Variants in RMC1 observed in about 807,000 individuals in gnomAD.
The protein encoded by RMC1 is regulator of MON1-CCZ1 complex.
In RMC1, 44 loss-of-function variants were observed where a neutral mutation model predicts 95.5. The observed-to-expected ratio is 0.46, with a 90% CI of 0.36 to 0.59. The LOEUF is 0.59. RMC1 is among the 20% of genes least tolerant of loss of function. RMC1 has a pLI of 0.00. For missense variants in RMC1, 705 were observed against 819.6 expected (o/e 0.86, Z 1.71); for synonymous variants, 320 against 303.6 (o/e 1.05, Z -0.56).
At chr18:23,514,335 C>T (rs1481511500) in intron 5 of RMC1, among the ~76,000 whole-genome samples, 4 of 152,084 alleles carry the variant, frequency 2.6e-5, no homozygotes, top group South Asian at 4.1e-4. Context: ...GCCGCCATGG[C>T]GAAACCCCGT....
intron 12 of RMC1, among the ~76,000 whole-genome samples, chr18:23,525,992 C>A (rs865839872): frequency 6.6e-6 from 1 of 152,208 alleles, no homozygotes; most frequent in Non-Finnish European, 1.5e-5. Context: ...AGTCATTTCT[C>A]TCCTGTGCAT....
chr18:23,503,522 C>G lies in RMC1; in HGVS notation c.-97C>G. 1 of 787,122 alleles carries G rather than the reference C, an allele frequency of 1.3e-6. No homozygotes were observed. Among genetic ancestry groups the G allele is most frequent in the Non-Finnish European group, 1.7e-6 (1 of 571,440 alleles). 48.8% of individuals were successfully genotyped at this position (787,122 alleles called of 1,614,324 possible). A position where few individuals can be genotyped will look rare whatever the true frequency, so the allele number is the denominator to read the frequency against. On this transcript the variant is annotated 5_prime_UTR_variant, in exon 1 of 20. Transcript: ENST00000269221. ...TCCGCGCCGGGCCCAGAGCCGCAGCCGCAGCCGCCGCTACAGTCCGGGCCG... is the reference window on the plus strand; with the variant it reads ...TCCGCGCCGGGCCCAGAGCCGCAGCGGCAGCCGCCGCTACAGTCCGGGCCG...
intron 10 of RMC1, among the ~76,000 whole-genome samples, chr18:23,523,776 G>A (rs1013417462): frequency 2.6e-5 from 4 of 152,044 alleles, no homozygotes; most frequent in Non-Finnish European, 5.9e-5. Context: ...AACATTCTCC[G>A]TGGATGATCT....
At chr18:23,524,349 G>A (rs1336043928) in intron 11 of RMC1, 80 bp from the exon 12 acceptor site, 14 of 1,535,020 alleles carry the variant, frequency 9.1e-6, no homozygotes, top group Non-Finnish European at 9.9e-6. Flanking sequence ...TACATGGTGG[G>A]CAGGGGCGAG....
At chr18:23,531,556 TA>T (rs958259887) in intron 19 of RMC1, 68 bp from the exon 20 acceptor site, 5 of 1,584,654 alleles carry the variant, frequency 3.2e-6, no homozygotes, top group Non-Finnish European at 4.3e-6. Context: ...TAGACACACC[TA>T]CGAGATGCTT....
At chr18:23,521,456 G>A (rs889473561) in intron 10 of RMC1, among the ~76,000 whole-genome samples, 2 of 152,194 alleles carry the variant, frequency 1.3e-5, no homozygotes, top group Non-Finnish European at 2.9e-5. Flanking sequence ...GTGTGACAGT[G>A]ATGATGAATA....
intron 10 of RMC1, chr18:23,522,939 A>G (rs1481992031): frequency 6.6e-6 from 1 of 152,266 alleles, no homozygotes; most frequent in Admixed American, 6.6e-5. Flanking sequence ...CACTTTTGGG[A>G]AGAGTCAGCC....
At chr18:23,516,960 A>G (rs181157685) in intron 7 of RMC1, among the ~76,000 whole-genome samples, 2 of 150,974 alleles carry the variant, frequency 1.3e-5, no homozygotes, top group African/African-American at 4.9e-5. Context: ...TCCTGACCTC[A>G]AGTGATCCAC....
chr18:23,526,231 G>A (rs971013540), intron 12 of RMC1, among the ~76,000 whole-genome samples: 1 of 152,210 alleles, frequency 6.6e-6, no homozygotes, highest in Non-Finnish European at 1.5e-5. Flanking sequence ...AAACTAATGA[G>A]CTGTTGTAGG....
At chr18:23,529,342 A>G in intron 15 of RMC1, 44 bp downstream of exon 15, 1 of 1,578,350 alleles carries the variant, frequency 6.3e-7, no homozygotes, top group South Asian at 1.2e-5. Flanking sequence ...GAATGCTCAA[A>G]ACAAGGAAGT....
intron 14 of RMC1, chr18:23,528,872 G>A (rs993362481): frequency 2.1e-5 from 5 of 242,810 alleles, no homozygotes; most frequent in Admixed American, 5.3e-5. Context: ...TAATCTGCAC[G>A]GATCTGAACT....
At chr18:23,525,420 TATA>T (rs527599580) in intron 12 of RMC1, among the ~76,000 whole-genome samples, 21 of 151,766 alleles carry the variant, frequency 1.4e-4, no homozygotes, top group African/African-American at 2.4e-4. Context: ...GTTAATTTAT[TATA>T]ATAATAATAA....
rs374224848 is a variant in RMC1, at chr18:23,523,543, CA to C, written c.962-561del. 5.5e-4 allele frequency among the ~76,000 whole-genome samples: 42 copies of C among 76,376 alleles called. No individual in the cohort carries two copies. The South Asian group carries it at 6.0e-3, about 11-fold the overall frequency. 50.1% of individuals were successfully genotyped at this position (76,376 alleles called of 152,430 possible). On this transcript the variant is annotated intron_variant, in intron 10 of 19. Transcript: ENST00000269221. ...CTAGGTAACATAGACCTTGTCTTCACAAAAAAAAAAAAAAAAAAAAAAAAAA... is the reference window on the plus strand; with the variant it reads ...CTAGGTAACATAGACCTTGTCTTCACAAAAAAAAAAAAAAAAAAAAAAAAA...
chr18:23,530,083 T>C lies in RMC1; in HGVS notation c.1550T>C (p.Met517Thr), dbSNP rs1327082645. The change falls in exon 17 of 20, where the codon ATG (methionine) becomes ACG (threonine). Residue 517 changes from methionine (M) to threonine (T), a missense_variant. Coordinates refer to ENST00000269221, the MANE Select transcript of RMC1 (RefSeq NM_013326.5). The stretch of plus-strand genomic sequence containing the variant: ...CTTGTCCAGCACAACCTCTTTTATA[T>C]GCTGCATCAGTTCCTGCAGTACCAC... Reference protein sequence around the residue: ...KTLVQHNLFYMLHQFLQYHVL... With the variant: ...KTLVQHNLFYTLHQFLQYHVL... 2 of 1,614,266 alleles carry C rather than the reference T, an allele frequency of 1.2e-6. No homozygotes were observed. The highest frequency in any genetic ancestry group is 2.2e-5 in the East Asian group (1 of 44,882).
chr18:23,504,291 A>G lies in RMC1; in HGVS notation c.103-80A>G, dbSNP rs888375486. Reference sequence around the variant, plus strand: ...TGAACCCAGGGTGGTGTATAACAGAAATAATCGCTTGCGGGTTGGCTTCTG... The same window carrying G: ...TGAACCCAGGGTGGTGTATAACAGAGATAATCGCTTGCGGGTTGGCTTCTG... On this transcript the variant is annotated intron_variant, in intron 1 of 19. Transcript: ENST00000269221. 1.7e-5 allele frequency: 21 copies of G among 1,208,382 alleles called. No homozygotes were observed. In the South Asian group the frequency reaches 2.4e-4, roughly 14 times the overall value. 74.9% of individuals were successfully genotyped at this position (1,208,382 alleles called of 1,614,324 possible).
chr18:23,516,174 G>C, intron 6 of RMC1, 146 bp from the exon 7 acceptor site: 1 of 1,284,370 alleles, frequency 7.8e-7, no homozygotes, highest in South Asian at 1.3e-5. Flanking sequence ...TCTATGCTGG[G>C]CAGACAGGCT....
rs1217910144 is a variant in RMC1, at chr18:23,530,726, G to A, written c.1894+114G>A. 8.7e-6 allele frequency: 8 copies of A among 921,900 alleles called. No individual in the cohort carries two copies. The African/African-American group carries it at 1.3e-4, about 15-fold the overall frequency. 57.1% of individuals were successfully genotyped at this position (921,900 alleles called of 1,614,324 possible). A position where few individuals can be genotyped will look rare whatever the true frequency, so the allele number is the denominator to read the frequency against. Reference sequence around the variant, plus strand: ...AGCATTTTTGTAAACAACACAATTTGATAACAGCCCACCTAGCCCTTGGCC... The same window carrying A: ...AGCATTTTTGTAAACAACACAATTTAATAACAGCCCACCTAGCCCTTGGCC... On this transcript the variant is annotated intron_variant, in intron 19 of 19. Transcript: ENST00000269221.
At chr18:23,515,798 G>T in intron 5 of RMC1, 58 bp from the exon 6 acceptor site, 1 of 1,605,466 alleles carries the variant, frequency 6.2e-7, no homozygotes, top group Non-Finnish European at 8.5e-7. Flanking sequence ...CTCCCAAAGT[G>T]CTGGGATTAG....
chr18:23,504,528 T>C (rs1410365949), intron 2 of RMC1, 81 bp downstream of exon 2: 1 of 1,360,506 alleles, frequency 7.4e-7, no homozygotes, highest in Non-Finnish European at 1.0e-6. Context: ...TTTTATAATT[T>C]TGTCATTTGG....
Sources: allele counts gnomAD v4.1 joint callset (sites outside exome capture counted in the v4.1 genomes callset), GRCh38; gene constraint gnomAD v4.1.1; transcripts MANE v1.5; gene names NCBI Gene and HGNC (gene_info 2026-07-23, HGNC 2026-07-21).